Variants in TUB observed in about 807,000 individuals in gnomAD.
The protein encoded by TUB is TUB bipartite transcription factor.
A neutral mutation model predicts 59.7 loss-of-function variants in TUB; 33 were observed. That is an observed-to-expected ratio of 0.55 (90% CI 0.42 to 0.74). The LOEUF is 0.74. Among genes scored for constraint, TUB ranks in the 30% least tolerant of loss-of-function variants. The pLI is 0.00. For missense variants in TUB, 659 were observed against 672.0 expected (o/e 0.98, Z 0.21); for synonymous variants, 293 against 256.4 (o/e 1.14, Z -1.36).
At chr11:8,085,779 A>G (rs1943654076) in intron 1 of TUB, among the ~76,000 whole-genome samples, 1 of 152,242 alleles carries the variant, frequency 6.6e-6, no homozygotes, top group Non-Finnish European at 1.5e-5. Context: ...CATGTAAGGT[A>G]GAGTCTCTGA....
At chr11:8,059,705 CA>C (rs1411871504) in intron 2 of TUB, among the ~76,000 whole-genome samples, 7 of 152,034 alleles carry the variant, frequency 4.6e-5, no homozygotes, top group African/African-American at 1.7e-4. Flanking sequence ...GGAGAGGGGT[CA>C]GGGGGCAGGT....
intron 1 of TUB, among the ~76,000 whole-genome samples, chr11:8,086,673 T>C (rs765336883): frequency 6.6e-5 from 10 of 152,054 alleles, no homozygotes; most frequent in Non-Finnish European, 1.2e-4. Flanking sequence ...CCCATTTTAG[T>C]AGATTTAGTG....
chr11:8,080,556 G>A (rs577874979), upstream of TUB, among the ~76,000 whole-genome samples: 1 of 152,318 alleles, frequency 6.6e-6, no homozygotes, highest in East Asian at 1.9e-4. Context: ...TTACGGCCTT[G>A]GGCATCTCAG....
intron 10 of TUB, 98 bp downstream of exon 10, chr11:8,100,699 G>GT (rs1554933939): frequency 1.3e-5 from 20 of 1,520,132 alleles, no homozygotes; most frequent in Admixed American, 3.4e-5. Context: ...ATGTGGAGGG[G>GT]TACCATGTGA....
At chr11:8,031,655 C>A (rs1177495167) in intron 1 of TUB, among the ~76,000 whole-genome samples, 1 of 152,230 alleles carries the variant, frequency 6.6e-6, no homozygotes, top group Non-Finnish European at 1.5e-5. Flanking sequence ...TACCATCTTC[C>A]TTGGTCTCAC....
rs540030149 is a variant in TUB at position 8,086,435 on chromosome 11, C to T, written c.39-3175C>T. On this transcript the variant is annotated intron_variant, in intron 1 of 11. Coordinates refer to ENST00000299506, the MANE Select transcript of TUB (RefSeq NM_177972.3). ...GAAGCCAGGGGAGCTTTTGGTGCTG[C>T]TCTTCCTGGAGACAGCCATCGCAGT... 1.3e-3 allele frequency among the ~76,000 whole-genome samples: 196 copies of T among 152,236 alleles called. 1 individual carries two copies. The highest frequency in any genetic ancestry group is 2.4e-3 in the Non-Finnish European group (163 of 68,002).
chr11:8,097,704 A>C lies in TUB; in HGVS notation c.886-10A>C, dbSNP rs200128916. 1,659 of 1,608,238 alleles carry C rather than the reference A, an allele frequency of 1.0e-3. 25 individuals carry two copies. The South Asian group carries it at 0.017, about 17-fold the overall frequency. ...TGAGTCTGGAATATGACCTCATTCC[A>C]CTCCCCAAGGTGTTCCTCCTGGCGG... On this transcript the variant is annotated splice_polypyrimidine_tract_variant and intron_variant, in intron 7 of 11. Transcript: ENST00000299506.
intron 2 of TUB, among the ~76,000 whole-genome samples, chr11:8,058,665 A>G (rs975647826): frequency 6.6e-6 from 1 of 152,246 alleles, no homozygotes; most frequent in Non-Finnish European, 1.5e-5. Context: ...TCCGACCACC[A>G]GTGAAGGAGT....
intron 2 of TUB, among the ~76,000 whole-genome samples, chr11:8,046,009 G>A (rs1942824619): frequency 6.6e-6 from 1 of 152,142 alleles, no homozygotes; most frequent in Admixed American, 6.5e-5. Flanking sequence ...ACAAGCATGT[G>A]CAGATCAGTA....
intron 2 of TUB, among the ~76,000 whole-genome samples, chr11:8,074,039 T>C (rs1943404743): frequency 6.6e-6 from 1 of 152,132 alleles, no homozygotes; most frequent in Non-Finnish European, 1.5e-5. Context: ...CATATTACAC[T>C]AGGCAACTGA....
intron 2 of TUB, among the ~76,000 whole-genome samples, chr11:8,053,650 GC>G (rs565968199): frequency 3.3e-5 from 5 of 151,270 alleles, no homozygotes; most frequent in Non-Finnish European, 7.4e-5. Flanking sequence ...ACCGGCGCCC[GC>G]CACGACGCCC....
chr11:8,096,951 C>T (rs1944021859), intron 6 of TUB, 145 bp downstream of exon 6: 1 of 994,702 alleles, frequency 1.0e-6, no homozygotes. Flanking sequence ...CTCCTAACCT[C>T]TTCAGCTAGG....
upstream of TUB, among the ~76,000 whole-genome samples, chr11:8,078,411 C>T (rs187515740): frequency 6.6e-6 from 1 of 152,210 alleles, no homozygotes; most frequent in Non-Finnish European, 1.5e-5. Flanking sequence ...AAAGCTTATG[C>T]CCTTCTTCGA....
intron 3 of TUB, 112 bp from the exon 4 acceptor site, chr11:8,093,934 G>A: frequency 1.5e-5 from 19 of 1,275,202 alleles, no homozygotes; most frequent in Non-Finnish European, 1.9e-5. Context: ...GGGCCCTGGT[G>A]GGACTCGGGG....
intron 6 of TUB, 126 bp downstream of exon 6, chr11:8,096,932 C>T: frequency 1.8e-6 from 2 of 1,100,132 alleles, no homozygotes; most frequent in Non-Finnish European, 2.7e-6. Flanking sequence ...TTATGTCCCT[C>T]TACCTTGCCT....
At chr11:8,019,690 C>T (rs1942390290) in intron 1 of TUB, among the ~76,000 whole-genome samples, 1 of 151,998 alleles carries the variant, frequency 6.6e-6, no homozygotes, top group African/African-American at 2.4e-5. Flanking sequence ...GGAGGGGGCG[C>T]CGGGAGGGGC....
upstream of TUB, among the ~76,000 whole-genome samples, chr11:8,078,732 C>T (rs575179312): frequency 3.9e-4 from 60 of 152,186 alleles, no homozygotes; most frequent in South Asian, 0.011. Flanking sequence ...CACATTGCTG[C>T]GTACACTGAA....
rs775676831 is a variant in TUB at position 8,098,848 on chromosome 11, AC to A, written c.1090del (p.Arg364ValfsTer14). On this transcript the variant is annotated frameshift_variant, in exon 9 of 12. Transcript: ENST00000299506. LOFTEE classifies it high-confidence loss of function. ...CCTCCACTTTGGAAAGTGGAACCTT[AC>A]GTCAGGAGCTGGCAGCTGTGTGCTA... is the stretch of plus-strand genomic sequence containing the variant. ...SSSTLESGTL[R>X]QELAAVCYET... 6.2e-7 allele frequency: 1 copy of A among 1,614,036 alleles called. No individual in the cohort carries two copies. The highest frequency in any genetic ancestry group is 1.7e-5 in the Admixed American group (1 of 60,020).
rs532810465 is a variant in TUB, at chr11:8,095,809, T to C, written c.565+144T>C. 7 of 927,722 alleles carry C rather than the reference T, an allele frequency of 7.5e-6. No individual in the cohort carries two copies. The East Asian group carries it at 1.9e-4, about 25-fold the overall frequency. The allele number at this position is 927,722 out of a possible 1,614,324, so 57.5% of individuals were successfully genotyped here. A position where few individuals can be genotyped will look rare whatever the true frequency, so the allele number is the denominator to read the frequency against. On this transcript the variant is annotated intron_variant, in intron 5 of 11. Transcript: ENST00000299506. The stretch of plus-strand genomic sequence containing the variant: ...GGGTGGGGCACACTTCGGAGACAAA[T>C]GAGAAACTCTTAGGCAGGGCCCCTG...
Sources: allele counts gnomAD v4.1 joint callset (sites outside exome capture counted in the v4.1 genomes callset), GRCh38; gene constraint gnomAD v4.1.1; transcripts MANE v1.5; gene names NCBI Gene and HGNC (gene_info 2026-07-23, HGNC 2026-07-21).